The following CTNNA2 variants were observed in gnomAD, a reference collection of about 807,000 sequenced individuals.
CTNNA2 encodes catenin alpha 2.
CTNNA2 carries 42 observed loss-of-function variants against 101.0 expected under a neutral mutation model. That is an observed-to-expected ratio of 0.42 (90% CI 0.32 to 0.54). The LOEUF is 0.54. Among genes scored for constraint, CTNNA2 ranks in the 20% least tolerant of loss-of-function variants. The pLI is 0.14. For synonymous variants in CTNNA2, 450 were observed against 456.4 expected, an observed-to-expected ratio of 0.99 and a Z score of 0.18; for missense variants, 871 against 1,223.1, an observed-to-expected ratio of 0.71 and a Z score of 4.29.
At position 80,134,197 on chromosome 2, in the gene CTNNA2, A is replaced by G. The variant is rs80292532; in HGVS notation, c.1056+224400A>G. 7.2e-3 allele frequency among the ~76,000 whole-genome samples: 1,092 copies of G among 152,260 alleles called. 13 individuals are homozygous for G. Among genetic ancestry groups the G allele is most frequent in the African/African-American group, 0.025 (1,035 of 41,550 alleles). On this transcript the variant is annotated intron_variant, in intron 7 of 18. Coordinates refer to ENST00000402739, the MANE Select transcript of CTNNA2 (RefSeq NM_001282597.3). Reference sequence around the variant, plus strand: ...ACTTGAATACAGGACTTGTTTTAAGATGAGAGTAGGCTGAAAAGGTTGCAA... The same window carrying G: ...ACTTGAATACAGGACTTGTTTTAAGGTGAGAGTAGGCTGAAAAGGTTGCAA...
chr2:79,744,955 TATAAG>T (rs1265495202), intron 3 of CTNNA2, among the ~76,000 whole-genome samples: 1 of 152,196 alleles, frequency 6.6e-6, no homozygotes, highest in Non-Finnish European at 1.5e-5. Context: ...TGTAAAGTAT[TATAAG>T]AGAATTATTC....
intron 2 of CTNNA2, among the ~76,000 whole-genome samples, chr2:79,200,445 G>T (rs932590431): frequency 2.0e-5 from 3 of 151,200 alleles, no homozygotes; most frequent in Non-Finnish European, 4.4e-5. Flanking sequence ...AGCAACTTAA[G>T]ATCTGAAACA....
chr2:79,231,896 A>G (rs1027477345), intron 2 of CTNNA2, among the ~76,000 whole-genome samples: 7 of 152,142 alleles, frequency 4.6e-5, no homozygotes, highest in Non-Finnish European at 7.4e-5. Flanking sequence ...ACTGCTTTCT[A>G]TAGCTGATCT....
At chr2:79,585,617 G>A (rs959592132) in intron 1 of CTNNA2, among the ~76,000 whole-genome samples, 31 of 152,142 alleles carry the variant, frequency 2.0e-4, no homozygotes, top group African/African-American at 7.5e-4. Context: ...AAGTTTATCA[G>A]TGATGAGATT....
chr2:80,451,908 A>G (rs994672968), intron 9 of CTNNA2, among the ~76,000 whole-genome samples: 4 of 152,202 alleles, frequency 2.6e-5, no homozygotes, highest in Non-Finnish European at 5.9e-5. Context: ...AAATCAGCAT[A>G]TACTAGAATA....
At chr2:80,436,027 T>C (rs1209398715) in intron 9 of CTNNA2, among the ~76,000 whole-genome samples, 1 of 152,172 alleles carries the variant, frequency 6.6e-6, no homozygotes, top group East Asian at 1.9e-4. Flanking sequence ...GAATGCAGGA[T>C]ATTTCTAAGC....
In CTNNA2 at chr2:80,098,402, G is replaced by A. The variant is rs191636927; in HGVS notation, c.1056+188605G>A. ...AGAGGAGTACCCGGCCATGTGAGGT[G>A]TCAGTCCGCCCCCACGGGGGGGTTG... On this transcript the variant is annotated intron_variant, in intron 7 of 18. Transcript: ENST00000402739. Among the ~76,000 whole-genome samples the A allele has an allele frequency of 3.9e-4, 59 of 152,314 alleles. 1 individual carries two copies. Among genetic ancestry groups the A allele is most frequent in the African/African-American group, 1.2e-3 (50 of 41,576 alleles).
At chr2:80,353,021 C>T (rs1020306329) in intron 7 of CTNNA2, among the ~76,000 whole-genome samples, 1 of 151,964 alleles carries the variant, frequency 6.6e-6, no homozygotes, top group African/African-American at 2.4e-5. Flanking sequence ...AAGACAAAAC[C>T]CTCTAAATGA....
chr2:80,250,735 C>T (rs898114721), intron 7 of CTNNA2, among the ~76,000 whole-genome samples: 3 of 152,112 alleles, frequency 2.0e-5, no homozygotes, highest in Non-Finnish European at 4.4e-5. Context: ...AGCCTGCTTC[C>T]TCTGTCTATG....
At chr2:79,348,287 A>G (rs1399427189) in intron 3 of CTNNA2, among the ~76,000 whole-genome samples, 1 of 152,202 alleles carries the variant, frequency 6.6e-6, no homozygotes, top group Non-Finnish European at 1.5e-5. Context: ...TTTCTCAGAT[A>G]AGGGAACTGA....
chr2:80,098,271 C>T (rs1381698878), intron 7 of CTNNA2, among the ~76,000 whole-genome samples: 2 of 152,122 alleles, frequency 1.3e-5, no homozygotes, highest in Admixed American at 6.6e-5. Context: ...TGGAGGTCCA[C>T]TCCAGACCCT....
chr2:80,210,309 A>G (rs562979534), intron 7 of CTNNA2, among the ~76,000 whole-genome samples: 1 of 152,248 alleles, frequency 6.6e-6, no homozygotes, highest in South Asian at 2.1e-4. Flanking sequence ...GTTGTCCTGC[A>G]CCCATTAACT....
intron 7 of CTNNA2, among the ~76,000 whole-genome samples, chr2:80,241,621 A>ATCTATCTG (rs1670948487): frequency 6.6e-6 from 1 of 150,914 alleles, no homozygotes; most frequent in African/African-American, 2.5e-5. Flanking sequence ...CTATCTATCT[A>ATCTATCTG]TCTATCATCT....
intron 7 of CTNNA2, among the ~76,000 whole-genome samples, chr2:80,057,182 T>C (rs1420576021): frequency 6.6e-6 from 1 of 151,764 alleles, no homozygotes; most frequent in Non-Finnish European, 1.5e-5. Context: ...GTTGTTTTTT[T>C]TTTTTTTTAA....
upstream of CTNNA2, among the ~76,000 whole-genome samples, chr2:79,510,239 T>C (rs1671506710): frequency 6.6e-6 from 1 of 152,214 alleles, no homozygotes; most frequent in South Asian, 2.1e-4. Flanking sequence ...AAGAAGAAAA[T>C]TGCTTGTTTT....
chr2:79,562,140 T>C (rs902157729), intron 1 of CTNNA2, among the ~76,000 whole-genome samples: 9 of 151,994 alleles, frequency 5.9e-5, no homozygotes, highest in Non-Finnish European at 1.0e-4. Flanking sequence ...TTTTCATATA[T>C]GGTAGGCATC....
In CTNNA2 at chr2:79,835,666, G is replaced by GTTTTT. The variant is rs70940048; in HGVS notation, c.299-22314_299-22310dup. On this transcript the variant is annotated intron_variant, in intron 3 of 18. Transcript: ENST00000402739. ...CTGTGCTGCAGAATGGCCTCTCTTT[G>GTTTTT]TTTTTTTTTTTTTTTTTTTTTTTTT... Among the ~76,000 whole-genome samples the GTTTTT allele has an allele frequency of 2.6e-4, 15 of 58,634 alleles. 3 individuals carry two copies. The highest frequency in any genetic ancestry group is 1.1e-3 in the African/African-American group (15 of 13,696). The allele number at this position is 58,634 out of a possible 152,430, so 38.5% of individuals were successfully genotyped here. A position where few individuals can be genotyped will look rare whatever the true frequency, so the allele number is the denominator to read the frequency against.
chr2:80,106,187 C>T (rs4852552), intron 7 of CTNNA2, among the ~76,000 whole-genome samples: 49,557 of 151,930 alleles, frequency 0.33, 8,716 homozygotes, highest in East Asian at 0.56. Flanking sequence ...TGCCTCTACA[C>T]ACGTCAAATG....
intron 2 of CTNNA2, among the ~76,000 whole-genome samples, chr2:79,723,221 T>C (rs1686600861): frequency 6.6e-6 from 1 of 152,068 alleles, no homozygotes; most frequent in Non-Finnish European, 1.5e-5. Context: ...CTGGAGAAAA[T>C]GGATGGCTTT....
Sources: allele counts gnomAD v4.1 joint callset (sites outside exome capture counted in the v4.1 genomes callset), GRCh38; gene constraint gnomAD v4.1.1; transcripts MANE v1.5; gene names NCBI Gene and HGNC (gene_info 2026-07-23, HGNC 2026-07-21).